MTDH: variants seen among roughly 807,000 people sequenced by gnomAD.
The protein encoded by MTDH is metadherin, also known as protein LYRIC.
A neutral mutation model predicts 72.7 loss-of-function variants in MTDH; 34 were observed. The observed-to-expected ratio is 0.47, with a 90% CI of 0.36 to 0.62. The LOEUF is 0.62. Among genes scored for constraint, MTDH ranks in the 20% least tolerant of loss-of-function variants. The pLI is 0.00. For missense variants in MTDH, 677 were observed against 699.4 expected (o/e 0.97, Z 0.36); for synonymous variants, 266 against 268.9 (o/e 0.99, Z 0.10).
intron 6 of MTDH, among the ~76,000 whole-genome samples, chr8:97,698,312 G>T (rs1182340196): frequency 6.6e-6 from 1 of 152,150 alleles, no homozygotes; most frequent in African/African-American, 2.4e-5. Context: ...GTGTGTGTGC[G>T]CACGCCTGAT....
At chr8:97,656,301 CTTTT>C (rs34020581) in intron 1 of MTDH, among the ~76,000 whole-genome samples, 1 of 117,932 alleles carries the variant, frequency 8.5e-6, no homozygotes, top group Non-Finnish European at 1.7e-5. Flanking sequence ...ATTAAGCATA[CTTTT>C]TTTTTTTTTT....
Position 97,698,644 on chromosome 8 carries a change from C to T in MTDH, c.1049-1110C>T, listed in dbSNP as rs868599736. 5.9e-5 allele frequency among the ~76,000 whole-genome samples: 9 copies of T among 152,320 alleles called. 1 individual carries two copies. Among genetic ancestry groups the T allele is most frequent in the African/African-American group, 1.7e-4 (7 of 41,570 alleles). On this transcript the variant is annotated intron_variant, in intron 6 of 11. Coordinates refer to ENST00000336273, the MANE Select transcript of MTDH (RefSeq NM_178812.4). ...TCTTGTCTCTTTGGCTTCTCTCTGC[C>T]TCACCTCTCTAGATAACCACCTATT...
At position 97,689,085 on chromosome 8, in the gene MTDH, G is replaced by A; in HGVS notation, c.793G>A (p.Gly265Arg). Residue 265 changes from glycine (G) to arginine (R), a missense_variant, in exon 5 of 12, where the codon GGA becomes AGA. Gly to Arg is a moderately radical substitution (Grantham distance 125, BLOSUM62 -2). Coordinates refer to ENST00000336273, the MANE Select transcript of MTDH (RefSeq NM_178812.4). The stretch of plus-strand genomic sequence containing the variant: ...AGTTAGCAACTTTAAATCTGGAAAA[G>A]GAGATTCTACACTTCAGGGTGAGAG... ...VQVSNFKSGK[G>R]DSTLQVSSGL... The A allele has an allele frequency of 6.3e-7, 1 of 1,582,642 alleles. No individual in the cohort carries two copies. Among genetic ancestry groups the A allele is most frequent in the Non-Finnish European group, 8.6e-7 (1 of 1,159,274 alleles).
At chr8:97,691,991 T>C (rs1213605744) in intron 6 of MTDH, among the ~76,000 whole-genome samples, 4 of 152,184 alleles carry the variant, frequency 2.6e-5, no homozygotes, top group Non-Finnish European at 5.9e-5. Context: ...GCGATTCTCC[T>C]ACCTCAGCCT....
At chr8:97,724,461 C>T (rs923897612) in intron 11 of MTDH, 139 bp from the exon 12 acceptor site, 10 of 571,980 alleles carry the variant, frequency 1.7e-5, no homozygotes, top group Non-Finnish European at 2.7e-5. Flanking sequence ...AAATATATAA[C>T]GAGGGCTTGA....
chr8:97,721,836 A>G (rs539147621), intron 10 of MTDH, among the ~76,000 whole-genome samples: 120 of 152,308 alleles, frequency 7.9e-4, no homozygotes, highest in Non-Finnish European at 1.4e-3. Context: ...AAGCATTCCA[A>G]TTTCACTACC....
rs537770943 is a variant in MTDH at position 97,715,379 on chromosome 8, T to G, written c.1380+1610T>G. On this transcript the variant is annotated intron_variant, in intron 9 of 11. Coordinates refer to ENST00000336273, the MANE Select transcript of MTDH (RefSeq NM_178812.4). Reference sequence around the variant, plus strand: ...TCTGGCCTCGAGTGATCTTCCTGCCTCAGCCTCCCAAAGTGCTGGGATTAC... The same window carrying G: ...TCTGGCCTCGAGTGATCTTCCTGCCGCAGCCTCCCAAAGTGCTGGGATTAC... 9.2e-5 allele frequency among the ~76,000 whole-genome samples: 14 copies of G among 152,226 alleles called. No individual in the cohort carries two copies. The East Asian group carries it at 2.5e-3, about 27-fold the overall frequency.
chr8:97,715,811 AT>A (rs1395883105), intron 9 of MTDH, among the ~76,000 whole-genome samples: 1 of 152,230 alleles, frequency 6.6e-6, no homozygotes, highest in Non-Finnish European at 1.5e-5. Context: ...TTTAAAATAA[AT>A]TTTGTAGGAT....
intron 2 of MTDH, among the ~76,000 whole-genome samples, chr8:97,667,600 C>G (rs1812443559): frequency 6.6e-6 from 1 of 152,028 alleles, no homozygotes; most frequent in African/African-American, 2.4e-5. Context: ...ATTTGCAGAC[C>G]TTTTCTCAAA....
At chr8:97,684,909 T>C (rs936904585) in intron 2 of MTDH, among the ~76,000 whole-genome samples, 2 of 152,082 alleles carry the variant, frequency 1.3e-5, no homozygotes, top group African/African-American at 4.8e-5. Context: ...CTATTAAAAA[T>C]ATAAAAATTA....
At chr8:97,688,061 T>G (rs1024952489) in intron 4 of MTDH, among the ~76,000 whole-genome samples, 1 of 152,178 alleles carries the variant, frequency 6.6e-6, no homozygotes, top group Non-Finnish European at 1.5e-5. Flanking sequence ...TTTGAGAATA[T>G]TATAGATGTT....
intron 7 of MTDH, 62 bp from the exon 8 acceptor site, chr8:97,706,564 G>C (rs1814361566): frequency 6.9e-7 from 1 of 1,446,746 alleles, no homozygotes; most frequent in African/African-American, 1.4e-5. Flanking sequence ...GGAATTTTTA[G>C]TTTTTGCCTT....
intron 8 of MTDH, among the ~76,000 whole-genome samples, chr8:97,713,308 A>G (rs1373473994): frequency 6.6e-6 from 1 of 152,006 alleles, no homozygotes; most frequent in East Asian, 1.9e-4. Context: ...GATGGTCTCG[A>G]TCTCCTGACC....
intron 7 of MTDH, among the ~76,000 whole-genome samples, chr8:97,705,774 T>G (rs1469295402): frequency 6.6e-6 from 1 of 152,176 alleles, no homozygotes; most frequent in Non-Finnish European, 1.5e-5. Context: ...TATAAGTAGA[T>G]TTACAGGAAC....
chr8:97,677,180 CAAAAAAAA>C (rs71271142), intron 2 of MTDH, among the ~76,000 whole-genome samples: 8 of 44,134 alleles, frequency 1.8e-4, no homozygotes, highest in East Asian at 9.6e-4. Context: ...AAGCCTGTCT[CAAAAAAAA>C]AAAAAAAAAA....
In MTDH at chr8:97,682,656, C is replaced by A. The variant is rs543000201; in HGVS notation, c.484-4012C>A. Among the ~76,000 whole-genome samples, 4 of 152,018 alleles carry A rather than the reference C, an allele frequency of 2.6e-5. No homozygotes were observed. In the South Asian group the frequency reaches 8.3e-4, roughly 32 times the overall value. ...ATATCAAATAATATTTAAGCCTAAT[C>A]TAAGATAATCTTTTTCTACAGATTT... On this transcript the variant is annotated intron_variant, in intron 2 of 11. Transcript: ENST00000336273.
intron 7 of MTDH, among the ~76,000 whole-genome samples, chr8:97,701,007 G>T (rs1400130286): frequency 3.3e-5 from 5 of 152,132 alleles, no homozygotes; most frequent in Non-Finnish European, 5.9e-5. Context: ...AGGGGGCTGG[G>T]GGTTTTCAGT....
intron 2 of MTDH, among the ~76,000 whole-genome samples, chr8:97,662,792 AAAG>A (rs1370805374): frequency 4.9e-5 from 7 of 141,652 alleles, no homozygotes; most frequent in Admixed American, 6.8e-5. Flanking sequence ...TCAAAAAAAA[AAAG>A]AAAGAAAGAA....
intron 6 of MTDH, among the ~76,000 whole-genome samples, chr8:97,694,179 G>A (rs923505400): frequency 4.0e-5 from 6 of 150,556 alleles, no homozygotes; most frequent in Admixed American, 6.6e-5. Context: ...TTCTTCCTTT[G>A]TTGTTAGGCT....
Sources: gnomAD v4.1 joint callset for allele counts (sites outside exome capture counted in the v4.1 genomes callset) on GRCh38, gnomAD v4.1.1 for gene constraint, MANE v1.5 for transcripts, NCBI Gene and HGNC (gene_info 2026-07-23, HGNC 2026-07-21) for gene names.